HSDL2: variants seen among roughly 807,000 people sequenced by gnomAD.
The protein encoded by HSDL2 is hydroxysteroid dehydrogenase like 2.
Under a neutral mutation model 46.3 loss-of-function variants are expected in HSDL2, and 27 were observed. The ratio of observed to expected loss-of-function variants is 0.58; its 90% CI spans 0.43 to 0.80. The LOEUF (loss-of-function observed/expected upper bound fraction) is 0.80. Ranked by LOEUF, HSDL2 falls within the 30% of genes least tolerant of loss-of-function variation. The probability of loss-of-function intolerance (pLI) is 0.00; values close to 1 mark genes in which losing one functional copy is unlikely to be tolerated. For synonymous variants in HSDL2, 153 were observed against 163.6 expected, an observed-to-expected ratio of 0.94 and a Z score of 0.50; for missense variants, 451 against 502.7, an observed-to-expected ratio of 0.90 and a Z score of 0.98.
intron 8 of HSDL2, among the ~76,000 whole-genome samples, chr9:112,442,109 C>G (rs770964856): frequency 2.8e-5 from 4 of 145,068 alleles, no homozygotes; most frequent in African/African-American, 5.1e-5. Context: ...AAAAAAAATA[C>G]AAAAAAAAAA....
chr9:112,432,118 G>C (rs1048282665), intron 6 of HSDL2, among the ~76,000 whole-genome samples: 2 of 152,106 alleles, frequency 1.3e-5, no homozygotes, highest in Non-Finnish European at 2.9e-5. Flanking sequence ...CTGACCTCAG[G>C]TGATCCACCC....
At chr9:112,441,015 AAATAAATAAATAAAT>A (rs1043852196) in intron 7 of HSDL2, among the ~76,000 whole-genome samples, 6 of 124,484 alleles carry the variant, frequency 4.8e-5, no homozygotes, top group Middle Eastern at 3.6e-3. Context: ...CTCAAAAAAT[AAATAAATAAATAAAT>A]AATAAATAAA....
chr9:112,393,395 C>T (rs768211432), intron 1 of HSDL2, among the ~76,000 whole-genome samples: 6 of 152,190 alleles, frequency 3.9e-5, no homozygotes, highest in South Asian at 2.1e-4. Context: ...AGTCACACTG[C>T]ACTTGCATGT....
At chr9:112,428,868 T>C (rs1832315558) in intron 6 of HSDL2, among the ~76,000 whole-genome samples, 1 of 152,186 alleles carries the variant, frequency 6.6e-6, no homozygotes, top group African/African-American at 2.4e-5. Flanking sequence ...CATATTATTT[T>C]CCCTCTTTGT....
At chr9:112,422,637 C>G (rs779764430) in intron 6 of HSDL2, among the ~76,000 whole-genome samples, 3 of 152,024 alleles carry the variant, frequency 2.0e-5, no homozygotes, top group Non-Finnish European at 2.9e-5. Context: ...ATGCAAATAC[C>G]AGGAGTCCCA....
chr9:112,396,582 A>G (rs951426545), intron 1 of HSDL2, among the ~76,000 whole-genome samples: 4 of 152,218 alleles, frequency 2.6e-5, no homozygotes, highest in Non-Finnish European at 5.9e-5. Flanking sequence ...GGCAGACACC[A>G]TAAGTTTATT....
chr9:112,463,444 C>A (rs1219122887), intron 10 of HSDL2, among the ~76,000 whole-genome samples: 1 of 152,106 alleles, frequency 6.6e-6, no homozygotes, highest in African/African-American at 2.4e-5. Flanking sequence ...AAACTATTTG[C>A]TACAGTGACT....
Position 112,452,521 on chromosome 9 carries a change from T to G in HSDL2, c.866-1492T>G, listed in dbSNP as rs185019585. Among the ~76,000 whole-genome samples, 610 of 151,884 alleles carry G rather than the reference T, an allele frequency of 4.0e-3. 6 individuals carry two copies. Among genetic ancestry groups the G allele is most frequent in the African/African-American group, 0.014 (589 of 41,404 alleles). ...CAGCACTTTGGGAGGCCAATGTGGG[T>G]GGATCACCTGAGGTAAGGAGTTTGA... On this transcript the variant is annotated intron_variant, in intron 8 of 10. Transcript: ENST00000398805.
intron 7 of HSDL2, among the ~76,000 whole-genome samples, chr9:112,439,177 T>C (rs1379053112): frequency 6.6e-6 from 1 of 152,166 alleles, no homozygotes; most frequent in East Asian, 1.9e-4. Context: ...ATTTTTGTAT[T>C]TGTAGATGTG....
intron 3 of HSDL2, among the ~76,000 whole-genome samples, chr9:112,406,179 A>AAG (rs1831722486): frequency 6.6e-6 from 1 of 150,780 alleles, no homozygotes. Context: ...AAAAAAAAAA[A>AAG]AGAAAAAGAG....
At chr9:112,401,375 T>G (rs1021460035) in intron 1 of HSDL2, among the ~76,000 whole-genome samples, 2 of 137,696 alleles carry the variant, frequency 1.5e-5, no homozygotes, top group African/African-American at 5.6e-5. Context: ...AAAGATCACT[T>G]AAGTCCAGAG....
intron 6 of HSDL2, among the ~76,000 whole-genome samples, chr9:112,434,656 A>G (rs945053118): frequency 6.6e-6 from 1 of 152,198 alleles, no homozygotes; most frequent in South Asian, 2.1e-4. Flanking sequence ...GGATACACAC[A>G]TGAGTGTGTG....
intron 10 of HSDL2, among the ~76,000 whole-genome samples, chr9:112,468,630 C>G (rs542551917): frequency 2.0e-4 from 30 of 152,132 alleles, no homozygotes; most frequent in African/African-American, 7.0e-4. Flanking sequence ...CTCTCTCCTT[C>G]CTGTGCTCCT....
At chr9:112,381,017 TA>T (rs1831077385) in intron 1 of HSDL2, among the ~76,000 whole-genome samples, 1 of 151,964 alleles carries the variant, frequency 6.6e-6, no homozygotes, top group Non-Finnish European at 1.5e-5. Flanking sequence ...TCCCCATCCC[TA>T]AAATCTAGTT....
chr9:112,436,532 C>G (rs1168029155), intron 6 of HSDL2, among the ~76,000 whole-genome samples: 1 of 151,846 alleles, frequency 6.6e-6, no homozygotes, highest in African/African-American at 2.4e-5. Flanking sequence ...GACATTTCAT[C>G]TTATAGATGA....
chr9:112,397,707 C>G (rs1055283479), intron 1 of HSDL2, among the ~76,000 whole-genome samples: 1 of 152,134 alleles, frequency 6.6e-6, no homozygotes, highest in Non-Finnish European at 1.5e-5. Context: ...CTCTCACCAC[C>G]AGGTACGGAA....
intron 1 of HSDL2, among the ~76,000 whole-genome samples, chr9:112,384,292 T>C (rs1458433382): frequency 6.6e-6 from 1 of 151,510 alleles, no homozygotes; most frequent in African/African-American, 2.5e-5. Context: ...ACTAAGAAAT[T>C]TGGAGCCTTC....
At chr9:112,415,326 ATTGT>A (rs1387915102) in intron 4 of HSDL2, among the ~76,000 whole-genome samples, 2 of 152,310 alleles carry the variant, frequency 1.3e-5, no homozygotes, top group East Asian at 1.9e-4. Context: ...AACAACAGCG[ATTGT>A]TTATTTCATG....
In HSDL2 at chr9:112,383,989, C is replaced by T. The variant is rs542373989; in HGVS notation, c.17+3809C>T. On this transcript the variant is annotated intron_variant, in intron 1 of 10. Coordinates refer to ENST00000398805, the MANE Select transcript of HSDL2 (RefSeq NM_032303.5). ...GTGCTAGGATTACAGATGTGAGCCA[C>T]TCTACCCAGCCCAAACTATTTTAAT... 1.6e-3 allele frequency among the ~76,000 whole-genome samples: 244 copies of T among 152,346 alleles called. 1 individual carries two copies. The highest frequency in any genetic ancestry group is 5.6e-3 in the African/African-American group (232 of 41,582).
Sources: gnomAD v4.1 joint callset for allele counts (sites outside exome capture counted in the v4.1 genomes callset) on GRCh38, gnomAD v4.1.1 for gene constraint, MANE v1.5 for transcripts, NCBI Gene and HGNC (gene_info 2026-07-23, HGNC 2026-07-21) for gene names.